MEOX2: variants seen among roughly 807,000 people sequenced by gnomAD.
MEOX2 encodes the protein homeobox protein MOX-2.
A neutral mutation model predicts 27.0 loss-of-function variants in MEOX2; 11 were observed. That is an observed-to-expected ratio of 0.41 (90% CI 0.26 to 0.68). The LOEUF is 0.68. Among genes scored for constraint, MEOX2 ranks in the 30% least tolerant of loss-of-function variants. The pLI is 0.33. For synonymous variants in MEOX2, 189 were observed against 155.4 expected, an observed-to-expected ratio of 1.22 and a Z score of -1.61; for missense variants, 436 against 385.4, an observed-to-expected ratio of 1.13 and a Z score of -1.10.
chr7:15,652,468 A>G (rs17336581), intron 1 of MEOX2, among the ~76,000 whole-genome samples: 36,335 of 151,968 alleles, frequency 0.24, 5,387 homozygotes, highest in Non-Finnish European at 0.33. Flanking sequence ...AGCAGCAATA[A>G]CACTGCCACA....
intron 1 of MEOX2, chr7:15,667,889 T>C (rs1161964149): frequency 6.6e-6 from 1 of 152,228 alleles, no homozygotes; most frequent in Non-Finnish European, 1.5e-5. Context: ...AATCCCTTAA[T>C]CACATTGTGT....
intron 1 of MEOX2, among the ~76,000 whole-genome samples, chr7:15,641,476 T>G (rs1322967465): frequency 6.6e-6 from 1 of 152,150 alleles, no homozygotes; most frequent in African/African-American, 2.4e-5. Context: ...TCGTAGATCT[T>G]TCTCCACTCC....
At chr7:15,639,733 T>C (rs1160059912) in intron 1 of MEOX2, among the ~76,000 whole-genome samples, 1 of 152,100 alleles carries the variant, frequency 6.6e-6, no homozygotes, top group Non-Finnish European at 1.5e-5. Flanking sequence ...CTTTTCTCCA[T>C]GTTTATTTTT....
At position 15,671,753 on chromosome 7, in the gene MEOX2, T is replaced by C. The variant is rs145763726; in HGVS notation, c.517+14133A>G. Among the ~76,000 whole-genome samples, 42 of 152,300 alleles carry C rather than the reference T, an allele frequency of 2.8e-4. 1 individual carries two copies. The highest frequency in any genetic ancestry group is 4.9e-4 in the Non-Finnish European group (33 of 68,018). On this transcript the variant is annotated intron_variant, in intron 1 of 2. Transcript: ENST00000262041. ...CTCATAAAGGAGATTTTTCATTTCT[T>C]TTTTAAAAATTGGTCAATTTGGGCT...
At chr7:15,643,535 G>T (rs1781595730) in intron 1 of MEOX2, among the ~76,000 whole-genome samples, 1 of 152,178 alleles carries the variant, frequency 6.6e-6, no homozygotes, top group South Asian at 2.1e-4. Context: ...ACAGACATGA[G>T]TCATGCCCAG....
At chr7:15,669,726 G>A (rs1366153402) in intron 1 of MEOX2, among the ~76,000 whole-genome samples, 1 of 152,154 alleles carries the variant, frequency 6.6e-6, no homozygotes, top group East Asian at 1.9e-4. Context: ...TCTAATGCCA[G>A]GATGAATACT....
intron 1 of MEOX2, among the ~76,000 whole-genome samples, chr7:15,666,293 A>G (rs1399530501): frequency 6.6e-6 from 1 of 152,202 alleles, no homozygotes; most frequent in African/African-American, 2.4e-5. Flanking sequence ...CATTGATTTC[A>G]TGCCAAAAAT....
chr7:15,633,477 TTATGGCATCAGA>T (rs1464020161), intron 1 of MEOX2, among the ~76,000 whole-genome samples: 5 of 151,940 alleles, frequency 3.3e-5, no homozygotes, highest in Non-Finnish European at 5.9e-5. Flanking sequence ...TTGAGCCCTC[TTATGGCATCAGA>T]TAACACCATA....
At chr7:15,661,540 C>T (rs1338707264) in intron 1 of MEOX2, among the ~76,000 whole-genome samples, 3 of 152,140 alleles carry the variant, frequency 2.0e-5, no homozygotes, top group Non-Finnish European at 4.4e-5. Flanking sequence ...ACTCAATATG[C>T]ACTTTATAAG....
At chr7:15,623,435 A>G (rs1781249882) in intron 2 of MEOX2, among the ~76,000 whole-genome samples, 2 of 152,052 alleles carry the variant, frequency 1.3e-5, no homozygotes, top group Non-Finnish European at 2.9e-5. Context: ...AGTGGTGCAA[A>G]CTCAACTCAC....
At chr7:15,646,317 A>C (rs1311144553) in intron 1 of MEOX2, among the ~76,000 whole-genome samples, 1 of 152,056 alleles carries the variant, frequency 6.6e-6, no homozygotes, top group South Asian at 2.1e-4. Context: ...TATCTTCACA[A>C]TATAATTGTG....
intron 1 of MEOX2, among the ~76,000 whole-genome samples, chr7:15,634,952 G>A (rs922306851): frequency 1.3e-5 from 2 of 151,950 alleles, no homozygotes; most frequent in Non-Finnish European, 2.9e-5. Context: ...TTAGAGGTGT[G>A]AGAGTTTCAG....
chr7:15,620,202 T>A (rs985459462), intron 2 of MEOX2, among the ~76,000 whole-genome samples: 1 of 152,124 alleles, frequency 6.6e-6, no homozygotes, highest in African/African-American at 2.4e-5. Flanking sequence ...ATATCATGAG[T>A]TAAGCAAATA....
chr7:15,612,350 T>A lies in MEOX2; in HGVS notation c.*37A>T. 1 of 1,553,270 alleles carries A rather than the reference T, an allele frequency of 6.4e-7. No homozygotes were observed. The highest frequency in any genetic ancestry group is 8.9e-7 in the Non-Finnish European group (1 of 1,125,716). On this transcript the variant is annotated 3_prime_UTR_variant, in exon 3 of 3. Transcript: ENST00000262041. ...TTGGGTAAGGCTTGCCATCACAACA[T>A]TTCTTTCCTGAGAATGGAGCTGGTC...
intron 2 of MEOX2, among the ~76,000 whole-genome samples, chr7:15,618,410 G>C (rs528670193): frequency 5.3e-5 from 8 of 151,896 alleles, no homozygotes; most frequent in African/African-American, 1.9e-4. Context: ...CATGGAATTT[G>C]TATATTCTGA....
intron 1 of MEOX2, among the ~76,000 whole-genome samples, chr7:15,660,732 G>A (rs1191887761): frequency 6.6e-6 from 1 of 152,076 alleles, no homozygotes; most frequent in African/African-American, 2.4e-5. Flanking sequence ...CTTTAAAAAT[G>A]AGAAAGGAGC....
At chr7:15,666,783 T>A (rs571754106) in intron 1 of MEOX2, among the ~76,000 whole-genome samples, 900 of 30,614 alleles carry the variant, frequency 0.029, 13 homozygotes, top group East Asian at 0.059. Context: ...AAAAAAAATA[T>A]ATATATATAT....
chr7:15,618,298 T>G (rs1781155339), intron 2 of MEOX2, among the ~76,000 whole-genome samples: 1 of 152,092 alleles, frequency 6.6e-6, no homozygotes, highest in African/African-American at 2.4e-5. Flanking sequence ...AAGTATTTCA[T>G]GAATAAAAGA....
At chr7:15,677,699 A>T (rs1374110433) in intron 1 of MEOX2, 1 of 152,088 alleles carries the variant, frequency 6.6e-6, no homozygotes, top group Non-Finnish European at 1.5e-5. Flanking sequence ...AATATATTCC[A>T]ACTGTGGACA....
Sources: allele counts gnomAD v4.1 joint callset (sites outside exome capture counted in the v4.1 genomes callset), GRCh38; gene constraint gnomAD v4.1.1; transcripts MANE v1.5; gene names NCBI Gene and HGNC (gene_info 2026-07-23, HGNC 2026-07-21).